Variants in SLC9A9 observed in about 807,000 individuals in gnomAD.
SLC9A9 encodes sodium/hydrogen exchanger 9.
In SLC9A9, 62 loss-of-function variants were observed where a neutral mutation model predicts 77.8. The ratio of observed to expected loss-of-function variants is 0.80; its 90% confidence interval spans 0.65 to 0.98. SLC9A9 has a LOEUF of 0.98. Ranked by LOEUF, SLC9A9 falls within the 50% of genes least tolerant of loss-of-function variation. SLC9A9 has a pLI of 0.00. For missense variants in SLC9A9, 775 were observed against 774.9 expected, an observed-to-expected ratio of 1.00 and a Z score of 0.00; for synonymous variants, 320 against 283.5, an observed-to-expected ratio of 1.13 and a Z score of -1.29.
At chr3:143,463,193 A>C (rs1355718617) in intron 12 of SLC9A9, among the ~76,000 whole-genome samples, 1 of 152,202 alleles carries the variant, frequency 6.6e-6, no homozygotes, top group Admixed American at 6.5e-5. Context: ...TTAGTCTGGC[A>C]TTCAAGGCCT....
At chr3:143,425,072 C>A (rs1378833262) in intron 12 of SLC9A9, among the ~76,000 whole-genome samples, 1 of 152,200 alleles carries the variant, frequency 6.6e-6, no homozygotes, top group Admixed American at 6.5e-5. Flanking sequence ...GGAGAACAGT[C>A]TGTTGTGCTC....
At chr3:143,315,394 A>G (rs2031177216) in intron 14 of SLC9A9, among the ~76,000 whole-genome samples, 1 of 152,216 alleles carries the variant, frequency 6.6e-6, no homozygotes, top group Admixed American at 6.5e-5. Flanking sequence ...ATCTGGGCAG[A>G]TATTGTTCAG....
intron 12 of SLC9A9, among the ~76,000 whole-genome samples, chr3:143,409,992 C>G (rs746254687): frequency 6.6e-6 from 1 of 152,170 alleles, no homozygotes. Context: ...TTCAGGGACA[C>G]GTCTCTTGAG....
rs574306852 is a variant in SLC9A9, at chr3:143,320,883, G to T, written c.1604+42601C>A. 1.4e-3 allele frequency among the ~76,000 whole-genome samples: 213 copies of T among 152,226 alleles called. 1 individual carries two copies. The highest frequency in any genetic ancestry group is 4.9e-3 in the African/African-American group (204 of 41,530). Reference sequence around the variant, plus strand: ...GATCCCTAACTCCAATATAACTGGGGCCTTTAAAAGAAGAGAGAAATTTGT... The same window carrying T: ...GATCCCTAACTCCAATATAACTGGGTCCTTTAAAAGAAGAGAGAAATTTGT... On this transcript the variant is annotated intron_variant, in intron 14 of 15. Coordinates refer to ENST00000316549, the MANE Select transcript of SLC9A9 (RefSeq NM_173653.4).
At chr3:143,689,630 G>A (rs1933392003) in intron 5 of SLC9A9, among the ~76,000 whole-genome samples, 1 of 151,754 alleles carries the variant, frequency 6.6e-6, no homozygotes, top group African/African-American at 2.4e-5. Flanking sequence ...GGCTGGTCTT[G>A]AACTTCTGGG....
chr3:143,690,006 A>G (rs899407924), intron 5 of SLC9A9, among the ~76,000 whole-genome samples: 1 of 152,018 alleles, frequency 6.6e-6, no homozygotes, highest in Admixed American at 6.6e-5. Context: ...ACAAATGAAC[A>G]TTATTATATA....
chr3:143,576,579 C>T (rs1283481148), intron 7 of SLC9A9, among the ~76,000 whole-genome samples: 1 of 152,140 alleles, frequency 6.6e-6, no homozygotes, highest in Non-Finnish European at 1.5e-5. Context: ...TAAACAACAC[C>T]TGGCCTCCAC....
chr3:143,553,425 C>G (rs1454127290), intron 8 of SLC9A9, among the ~76,000 whole-genome samples: 1 of 152,160 alleles, frequency 6.6e-6, no homozygotes, highest in Non-Finnish European at 1.5e-5. Flanking sequence ...TTCCTCGACT[C>G]AGACCAAGGG....
intron 2 of SLC9A9, 106 bp downstream of exon 2, chr3:143,831,913 G>T: frequency 2.0e-6 from 2 of 982,272 alleles, no homozygotes; most frequent in Non-Finnish European, 3.1e-6. Flanking sequence ...GTTAAAATAG[G>T]CATATATGTG....
At chr3:143,438,032 G>A (rs558611693) in intron 12 of SLC9A9, among the ~76,000 whole-genome samples, 1 of 152,310 alleles carries the variant, frequency 6.6e-6, no homozygotes, top group East Asian at 1.9e-4. Flanking sequence ...CTACCCTCTA[G>A]GGAAAATATG....
intron 6 of SLC9A9, among the ~76,000 whole-genome samples, chr3:143,645,013 A>ATAGT (rs2038680988): frequency 6.6e-6 from 1 of 152,220 alleles, no homozygotes; most frequent in Non-Finnish European, 1.5e-5. Flanking sequence ...GTTTACAACT[A>ATAGT]TGGGTCAAAT....
chr3:143,449,868 AT>A (rs1229261247), intron 12 of SLC9A9, among the ~76,000 whole-genome samples: 4 of 84,126 alleles, frequency 4.8e-5, no homozygotes, highest in South Asian at 7.9e-4. Flanking sequence ...TATATATAAA[AT>A]ATATAATTAT....
intron 1 of SLC9A9, among the ~76,000 whole-genome samples, chr3:143,837,590 C>A (rs895346563): frequency 6.6e-6 from 1 of 151,366 alleles, no homozygotes; most frequent in South Asian, 2.1e-4. Flanking sequence ...GATCGCCAGC[C>A]CAATGTCTAT....
At chr3:143,454,293 T>C (rs1389972806) in intron 12 of SLC9A9, among the ~76,000 whole-genome samples, 1 of 152,178 alleles carries the variant, frequency 6.6e-6, no homozygotes, top group Non-Finnish European at 1.5e-5. Flanking sequence ...TCTAGGTGTG[T>C]AGCTTTGTAT....
chr3:143,372,346 G>T (rs2033076991), intron 13 of SLC9A9, among the ~76,000 whole-genome samples: 1 of 152,108 alleles, frequency 6.6e-6, no homozygotes, highest in African/African-American at 2.4e-5. Context: ...AAACAGCACG[G>T]TACTGGTATA....
intron 2 of SLC9A9, among the ~76,000 whole-genome samples, chr3:143,806,739 G>T (rs969989189): frequency 8.6e-5 from 13 of 150,390 alleles, no homozygotes; most frequent in South Asian, 2.1e-4. Context: ...TGTGGTGGTG[G>T]GGGGGGCAAG....
At chr3:143,378,656 G>T (rs535134617) in intron 13 of SLC9A9, among the ~76,000 whole-genome samples, 2 of 152,310 alleles carry the variant, frequency 1.3e-5, no homozygotes, top group African/African-American at 4.8e-5. Flanking sequence ...CTCTGAAAAG[G>T]TGTGCTTTCA....
chr3:143,518,082 T>C (rs1387412366), intron 9 of SLC9A9: 1 of 1,562,380 alleles, frequency 6.4e-7, no homozygotes, highest in Non-Finnish European at 8.7e-7. Context: ...TCTTCTGATT[T>C]AGCTTTCTGA....
At chr3:143,274,239 G>C (rs1293113550) in intron 14 of SLC9A9, among the ~76,000 whole-genome samples, 1 of 152,146 alleles carries the variant, frequency 6.6e-6, no homozygotes, top group Non-Finnish European at 1.5e-5. Context: ...AAGAAGGAAA[G>C]CACATTTATC....
Sources: gnomAD v4.1 joint callset for allele counts (sites outside exome capture counted in the v4.1 genomes callset) on GRCh38, gnomAD v4.1.1 for gene constraint, MANE v1.5 for transcripts, NCBI Gene and HGNC (gene_info 2026-07-23, HGNC 2026-07-21) for gene names.